The following ECHS1 variants were observed in gnomAD, a reference collection of about 807,000 sequenced individuals.
The protein encoded by ECHS1 is enoyl-CoA hydratase, mitochondrial.
Under a neutral mutation model 33.5 loss-of-function variants are expected in ECHS1, and 19 were observed. The ratio of observed to expected loss-of-function variants is 0.57; its 90% CI spans 0.40 to 0.83. ECHS1 has a LOEUF of 0.83. Among genes scored for constraint, ECHS1 ranks in the 40% least tolerant of loss-of-function variants. The pLI is 0.00. For missense variants in ECHS1, 365 were observed against 381.3 expected, an observed-to-expected ratio of 0.96 and a Z score of 0.36; for synonymous variants, 158 against 146.6, an observed-to-expected ratio of 1.08 and a Z score of -0.56.
At position 133,366,433 on chromosome 10, in the gene ECHS1, C is replaced by T. The variant is rs7070775; in HGVS notation, c.620-338G>A. Among the ~76,000 whole-genome samples the T allele has an allele frequency of 1.0e-2, 1,522 of 152,352 alleles. 26 individuals are homozygous for T. Among genetic ancestry groups the T allele is most frequent in the African/African-American group, 0.035 (1,456 of 41,582 alleles). ...CATTGCTTACACTGCATTTTGGGGA[C>T]GCAATTGCTGGGCTGTTATTCTGTA... On this transcript the variant is annotated intron_variant, in intron 5 of 7. Coordinates refer to ENST00000368547, the MANE Select transcript of ECHS1 (RefSeq NM_004092.4).
At chr10:133,368,190 A>G (rs1297888623) in intron 4 of ECHS1, among the ~76,000 whole-genome samples, 2 of 152,110 alleles carry the variant, frequency 1.3e-5, no homozygotes, top group African/African-American at 4.8e-5. Flanking sequence ...CAAGGTGATG[A>G]CTCTGTAGGG....
chr10:133,366,944 C>T lies in ECHS1; in HGVS notation c.564G>A (p.Ala188=), dbSNP rs373706901. Residue 188 remains alanine, a synonymous_variant, in exon 5 of 8, where the codon GCG becomes GCA. Coordinates refer to ENST00000368547, the MANE Select transcript of ECHS1 (RefSeq NM_004092.4). ...GGTCACCAGTGAGGACCATCTCCATCGCCAGCGACTTCCCAACAGCACGGG... is the reference window on the plus strand; with the variant it reads ...GGTCACCAGTGAGGACCATCTCCATTGCCAGCGACTTCCCAACAGCACGGG... The part of the protein sequence containing the change: ...RLTRAVGKSL[A]MEMVLTGDRI... The T allele has an allele frequency of 7.8e-5, 125 of 1,612,750 alleles. No individual in the cohort carries two copies. In the Admixed American group the frequency reaches 9.7e-4, roughly 12 times the overall value.
chr10:133,370,816 G>T (rs913007289), intron 1 of ECHS1, 59 bp from the exon 2 acceptor site: 7 of 1,541,332 alleles, frequency 4.5e-6, no homozygotes, highest in Non-Finnish European at 5.3e-6. Flanking sequence ...TGGGGAGAGT[G>T]GGGGAAGGGA....
chr10:133,364,821 A>G, intron 6 of ECHS1, 96 bp from the exon 7 acceptor site: 1 of 982,948 alleles, frequency 1.0e-6, no homozygotes, highest in Non-Finnish European at 1.6e-6. Flanking sequence ...CCCATGCACA[A>G]CTGTGCTTTC....
At position 133,370,715 on chromosome 10, in the gene ECHS1, T is replaced by C; in HGVS notation, c.131A>G (p.Asn44Ser). ...EYIIAEKRGKNNTVGLIQLNR... is the reference protein window; with the variant it reads ...EYIIAEKRGKSNTVGLIQLNR... ...CAGTTGGATCAACCCCACGGTGTTA[T>C]TCTTCCCTCTTTTTTCTGCGATGAT... Residue 44 changes from asparagine to serine, a missense_variant, in exon 2 of 8, where the codon AAT (asparagine) becomes AGT (serine). By Grantham distance (46) the Asn-to-Ser change is conservative (BLOSUM62 1). Coordinates refer to ENST00000368547, the MANE Select transcript of ECHS1 (RefSeq NM_004092.4). The C allele has an allele frequency of 6.2e-7, 1 of 1,612,818 alleles. No homozygotes were observed. Among genetic ancestry groups the C allele is most frequent in the Non-Finnish European group, 8.5e-7 (1 of 1,179,660 alleles).
In ECHS1 at chr10:133,366,934, C is replaced by T. The variant is rs1481117533; in HGVS notation, c.574G>A (p.Val192Ile). Residue 192 changes from valine (V) to isoleucine (I), a missense_variant, in exon 5 of 8, where the codon GTC becomes ATC. Transcript: ENST00000368547. ...GCTGAGATCCGGTCACCAGTGAGGA[C>T]CATCTCCATCGCCAGCGACTTCCCA... is the stretch of plus-strand genomic sequence containing the variant. ...AVGKSLAMEMVLTGDRISAQD... is the reference protein window; with the variant it reads ...AVGKSLAMEMILTGDRISAQD... The T allele has an allele frequency of 4.3e-6, 7 of 1,612,714 alleles. No individual in the cohort carries two copies. In the South Asian group the frequency reaches 6.6e-5, roughly 15 times the overall value.
At chr10:133,369,579 CTTCAAATA>C (rs1191580065) in intron 3 of ECHS1, among the ~76,000 whole-genome samples, 1 of 152,076 alleles carries the variant, frequency 6.6e-6, no homozygotes, top group Non-Finnish European at 1.5e-5. Context: ...AGTCTCAGCA[CTTCAAATA>C]GTCCCAGGAC....
intron 1 of ECHS1, among the ~76,000 whole-genome samples, 194 bp downstream of exon 1, chr10:133,373,052 T>G (rs893886839): frequency 4.5e-3 from 58 of 12,986 alleles, no homozygotes; most frequent in Admixed American, 4.7e-3. Flanking sequence ...GGCGGGGGGG[T>G]GCGGGGTCAG....
At chr10:133,370,436 G>A (rs1849088572) in intron 2 of ECHS1, 124 bp downstream of exon 2, 3 of 1,084,336 alleles carry the variant, frequency 2.8e-6, no homozygotes, top group Non-Finnish European at 3.8e-6. Context: ...CTCGATATTT[G>A]AGGAAGTCCC....
Position 133,370,034 on chromosome 10 carries a change from A to G in ECHS1, c.287-3T>C. ...CATTTCCTTGATATCAGCTCCAGCTAGCAGGAGTGGAAAGGAGGTTCCAGT... is the reference window on the plus strand; with the variant it reads ...CATTTCCTTGATATCAGCTCCAGCTGGCAGGAGTGGAAAGGAGGTTCCAGT... On this transcript the variant is annotated splice_region_variant and splice_polypyrimidine_tract_variant and intron_variant, in intron 2 of 7. Coordinates refer to ENST00000368547, the MANE Select transcript of ECHS1 (RefSeq NM_004092.4). 6.2e-7 allele frequency: 1 copy of G among 1,613,716 alleles called. No homozygotes were observed. Among genetic ancestry groups the G allele is most frequent in the Non-Finnish European group, 8.5e-7 (1 of 1,179,928 alleles).
Position 133,373,330 on chromosome 10 carries a change from C to G in ECHS1, c.4G>C (p.Ala2Pro). Residue 2 changes from alanine (A) to proline (P), a missense_variant, in exon 1 of 8, where the codon GCC becomes CCC. Physicochemically the swap from Ala to Pro is conservative, Grantham distance 27. Coordinates refer to ENST00000368547, the MANE Select transcript of ECHS1 (RefSeq NM_004092.4). ...CAGGACAGCAGGACACGCAGGGCGG[C>G]CATGGCTCTCTGGACTCCTCGCCCG... M[A>P]ALRVLLSCVR... The G allele has an allele frequency of 6.7e-7, 1 of 1,502,618 alleles. No individual in the cohort carries two copies. Among genetic ancestry groups the G allele is most frequent in the Non-Finnish European group, 8.8e-7 (1 of 1,131,942 alleles). 93.1% of individuals were successfully genotyped at this position (1,502,618 alleles called of 1,614,324 possible). A position where few individuals can be genotyped will look rare whatever the true frequency, so the allele number is the denominator to read the frequency against.
rs1221820251 is a variant in ECHS1 at position 133,373,161 on chromosome 10, G to T, written c.88+85C>A. ...GTGGGGGATGCGGGGTCAGGTGGGAGGGGGGTGCGGTCTGGGATCTGGTCT... is the reference window on the plus strand; with the variant it reads ...GTGGGGGATGCGGGGTCAGGTGGGATGGGGGTGCGGTCTGGGATCTGGTCT... On this transcript the variant is annotated intron_variant, in intron 1 of 7. Coordinates refer to ENST00000368547, the MANE Select transcript of ECHS1 (RefSeq NM_004092.4). The T allele has an allele frequency of 5.1e-4, 505 of 990,990 alleles. 1 individual carries two copies. The highest frequency in any genetic ancestry group is 5.9e-4 in the Non-Finnish European group (458 of 770,114). The allele number at this position is 990,990 out of a possible 1,614,324, so 61.4% of individuals were successfully genotyped here.
rs74164163 is a variant in ECHS1 at position 133,365,712 on chromosome 10, T to G, written c.739+264A>C. On this transcript the variant is annotated intron_variant, in intron 6 of 7. Transcript: ENST00000368547. ...TCCCTTCTCAGCCTTTCCCTGCCAC[T>G]GCCAGCTCTGTACTGCCCTCACCTC... Among the ~76,000 whole-genome samples, 4,914 of 152,300 alleles carry G rather than the reference T, an allele frequency of 0.032. 246 individuals carry two copies. Among genetic ancestry groups the G allele is most frequent in the African/African-American group, 0.11 (4,612 of 41,566 alleles).
chr10:133,370,681 G>A lies in ECHS1; in HGVS notation c.165C>T (p.Pro55=). The A allele has an allele frequency of 1.2e-6, 2 of 1,613,352 alleles. No homozygotes were observed. Among genetic ancestry groups the A allele is most frequent in the Non-Finnish European group, 8.5e-7 (1 of 1,179,822 alleles). ...NTVGLIQLNR[P]KALNALCDGL... is the part of the protein sequence containing the mutation. The stretch of plus-strand genomic sequence containing the variant: ...CATCGCAAAGTGCATTGAGGGCCTT[G>A]GGGCGGTTCAGTTGGATCAACCCCA... Residue 55 remains proline (P), a synonymous_variant, in exon 2 of 8, where the codon CCC becomes CCT. Coordinates refer to ENST00000368547, the MANE Select transcript of ECHS1 (RefSeq NM_004092.4).
chr10:133,365,663 C>T (rs565843688), intron 6 of ECHS1, among the ~76,000 whole-genome samples: 30 of 152,326 alleles, frequency 2.0e-4, no homozygotes, highest in African/African-American at 7.2e-4. Flanking sequence ...ATGGCAGAGA[C>T]CATTTTACAT....
rs74164164 is a variant in ECHS1 at position 133,366,844 on chromosome 10, A to G, written c.619+45T>C. ...CGCCCTGGGTTTCTGTGGGGCTCCC[A>G]CCCCGGGTTTCCAGGTGGCTCTTGC... On this transcript the variant is annotated intron_variant, in intron 5 of 7. Transcript: ENST00000368547. 293 of 1,494,916 alleles carry G rather than the reference A, an allele frequency of 2.0e-4. 2 individuals are homozygous for G. The African/African-American group carries it at 3.9e-3, about 20-fold the overall frequency. 92.6% of individuals were successfully genotyped at this position (1,494,916 alleles called of 1,614,324 possible).
At chr10:133,372,540 C>G (rs1160498462) in intron 1 of ECHS1, among the ~76,000 whole-genome samples, 2 of 152,100 alleles carry the variant, frequency 1.3e-5, no homozygotes, top group African/African-American at 4.8e-5. Flanking sequence ...CTCTTAGAGC[C>G]GAGGGAACAC....
At position 133,364,745 on chromosome 10, in the gene ECHS1, A is replaced by G. The variant is rs925505002; in HGVS notation, c.740-20T>C. ...CAAAAGCTGAAAAACAAAGTCCCAG[A>G]GTTATGAACGGAGATATTACATGCA... On this transcript the variant is annotated intron_variant, in intron 6 of 7. Coordinates refer to ENST00000368547, the MANE Select transcript of ECHS1 (RefSeq NM_004092.4). 1 of 1,603,002 alleles carries G rather than the reference A, an allele frequency of 6.2e-7. No homozygotes were observed. The highest frequency in any genetic ancestry group is 8.5e-7 in the Non-Finnish European group (1 of 1,170,214).
intron 7 of ECHS1, 150 bp downstream of exon 7, chr10:133,364,508 C>T: frequency 1.5e-6 from 1 of 650,276 alleles, no homozygotes; most frequent in Non-Finnish European, 2.7e-6. Context: ...TCAAGACCCA[C>T]TGATGGAACC....
Sources: gnomAD v4.1 joint callset for allele counts (sites outside exome capture counted in the v4.1 genomes callset) on GRCh38, gnomAD v4.1.1 for gene constraint, MANE v1.5 for transcripts, NCBI Gene and HGNC (gene_info 2026-07-23, HGNC 2026-07-21) for gene names.